Variants in CASK observed in about 807,000 individuals in gnomAD.
The protein encoded by CASK is calcium/calmodulin dependent serine protein kinase.
Under a neutral mutation model 82.9 loss-of-function variants are expected in CASK, and 4 were observed. The ratio of observed to expected loss-of-function variants is 0.05; its 90% CI spans 0.02 to 0.11. The LOEUF (loss-of-function observed/expected upper bound fraction) is 0.11, where lower values mean the gene tolerates loss of function less well. Ranked by LOEUF, CASK falls within the 10% of genes least tolerant of loss-of-function variation. CASK has a pLI of 1.00. For synonymous variants in CASK, 259 were observed against 253.5 expected (o/e 1.02, Z -0.20); for missense variants, 358 against 720.9 (o/e 0.50, Z 5.76).
chrX:41,737,823 T>C lies in CASK; in HGVS notation c.429+1561A>G, dbSNP rs184441576. 2.6e-3 allele frequency among the ~76,000 whole-genome samples: 297 copies of C among 112,931 alleles called. 3 individuals carry two copies. The highest frequency in any genetic ancestry group is 8.4e-3 in the African/African-American group (261 of 31,160). ...TTTTTAAATTATCATTTTTTTCTTGTATATAGTTTAGAATATATACAAAGA... is the reference window on the plus strand; with the variant it reads ...TTTTTAAATTATCATTTTTTTCTTGCATATAGTTTAGAATATATACAAAGA... On this transcript the variant is annotated intron_variant, in intron 5 of 26. Coordinates refer to ENST00000378163, the MANE Select transcript of CASK (RefSeq NM_001367721.1).
At chrX:41,690,310 C>T (rs770569696) in intron 5 of CASK, among the ~76,000 whole-genome samples, 1 of 105,045 alleles carries the variant, frequency 9.5e-6, no homozygotes, top group Non-Finnish European at 1.9e-5. Context: ...AAACAGTCAC[C>T]AAGTTTAAAA....
At chrX:41,710,471 A>G (rs1002146814) in intron 5 of CASK, among the ~76,000 whole-genome samples, 1 of 111,695 alleles carries the variant, frequency 9.0e-6, no homozygotes, top group East Asian at 2.8e-4. Flanking sequence ...TATGCTGTGC[A>G]TTCCTAAAAG....
At chrX:41,599,513 T>C (rs925184078) in intron 12 of CASK, among the ~76,000 whole-genome samples, 1 of 111,968 alleles carries the variant, frequency 8.9e-6, no homozygotes, top group Non-Finnish European at 1.9e-5. Context: ...GAGGCCCTTG[T>C]TTTGTTTAGG....
chrX:41,922,906 C>T (rs373596519), intron 1 of CASK, 24 bp downstream of exon 1: 2 of 1,199,675 alleles, frequency 1.7e-6, no homozygotes, highest in African/African-American at 3.5e-5. Flanking sequence ...TTCCACACTC[C>T]CGCTCCCTCG....
chrX:41,605,434 G>C (rs2065944148), intron 12 of CASK, among the ~76,000 whole-genome samples: 1 of 107,324 alleles, frequency 9.3e-6, no homozygotes. Flanking sequence ...GGTGAGACCT[G>C]TCTCTTCAAA....
At position 41,520,348 on chromosome X, in the gene CASK, C is replaced by G. The variant is rs951932216; in HGVS notation, c.*72G>C. 13 of 862,174 alleles carry G rather than the reference C, an allele frequency of 1.5e-5. No individual in the cohort carries two copies. Among genetic ancestry groups the G allele is most frequent in the Non-Finnish European group, 2.2e-5 (13 of 599,427 alleles). The allele number at this position is 862,174 out of a possible 1,213,427, so 71.1% of individuals were successfully genotyped here. On this transcript the variant is annotated 3_prime_UTR_variant, in exon 27 of 27. Coordinates refer to ENST00000378163, the MANE Select transcript of CASK (RefSeq NM_001367721.1). ...CTCTAGGGACCATGACCTGCTGACA[C>G]AAGGCCGATAACAAAGAGGCTTTTC...
intron 5 of CASK, among the ~76,000 whole-genome samples, chrX:41,693,116 G>A (rs1034099339): frequency 1.8e-5 from 2 of 111,434 alleles, no homozygotes; most frequent in African/African-American, 3.3e-5. Flanking sequence ...AGTTTTTCAC[G>A]TCATTTCAGC....
chrX:41,622,550 G>A (rs1276771591), intron 11 of CASK, 67 bp downstream of exon 11: 25 of 946,517 alleles, frequency 2.6e-5, no homozygotes, highest in Non-Finnish European at 3.3e-5. Flanking sequence ...AGCTGATTAC[G>A]AACCATGCAA....
intron 1 of CASK, among the ~76,000 whole-genome samples, chrX:41,904,769 T>A (rs182342031): frequency 2.2e-4 from 25 of 111,803 alleles, no homozygotes; most frequent in Non-Finnish European, 4.0e-4. Context: ...TAGGCCCCAG[T>A]GTCTACTGTT....
intron 7 of CASK, among the ~76,000 whole-genome samples, chrX:41,661,280 T>TA (rs367948232): frequency 4.9e-4 from 54 of 110,286 alleles, no homozygotes; most frequent in African/African-American, 1.5e-3. Flanking sequence ...CAGAATCATT[T>TA]AAAAAAAAAT....
At chrX:41,839,641 C>T (rs1315999534) in intron 2 of CASK, among the ~76,000 whole-genome samples, 1 of 109,769 alleles carries the variant, frequency 9.1e-6, no homozygotes, top group Non-Finnish European at 1.9e-5. Flanking sequence ...TTATATTTAC[C>T]TTTCTTCCCT....
intron 2 of CASK, among the ~76,000 whole-genome samples, chrX:41,797,102 T>C (rs1471732266): frequency 1.8e-5 from 2 of 110,381 alleles, no homozygotes; most frequent in Non-Finnish European, 3.8e-5. Context: ...TAACTGGAAA[T>C]AGAAGCTAGC....
intron 15 of CASK, among the ~76,000 whole-genome samples, chrX:41,572,170 G>A (rs1569313575): frequency 9.4e-6 from 1 of 106,847 alleles, no homozygotes; most frequent in African/African-American, 3.4e-5. Flanking sequence ...CTGCATCCTC[G>A]AACTCCTGGG....
At chrX:41,646,662 T>C (rs1235960087) in intron 8 of CASK, among the ~76,000 whole-genome samples, 2 of 111,925 alleles carry the variant, frequency 1.8e-5, no homozygotes, top group East Asian at 5.6e-4. Context: ...AGTATCAACG[T>C]AGACCCAGAC....
chrX:41,555,906 C>A, intron 19 of CASK: 1 of 246,513 alleles, frequency 4.1e-6, no homozygotes, highest in Non-Finnish European at 6.9e-6. Context: ...ACAAAAGCCA[C>A]TGCAAGTGAA....
intron 3 of CASK, among the ~76,000 whole-genome samples, chrX:41,759,341 A>G (rs2068954975): frequency 9.0e-6 from 1 of 111,678 alleles, no homozygotes; most frequent in Non-Finnish European, 1.9e-5. Context: ...TGTATATACT[A>G]CTGAAAGGAC....
intron 2 of CASK, among the ~76,000 whole-genome samples, chrX:41,796,114 T>C (rs2069846660): frequency 8.9e-6 from 1 of 111,916 alleles, no homozygotes; most frequent in Non-Finnish European, 1.9e-5. Flanking sequence ...ATCTATCCTT[T>C]TAAGCACTAA....
intron 12 of CASK, 190 bp from the exon 13 acceptor site, chrX:41,589,782 T>A (rs768198012): frequency 2.5e-6 from 1 of 403,998 alleles, no homozygotes; most frequent in East Asian, 4.1e-5. Context: ...CTTATGCATA[T>A]CTTTTCAAAA....
intron 2 of CASK, among the ~76,000 whole-genome samples, chrX:41,840,386 G>T (rs1247696413): frequency 8.9e-6 from 1 of 111,938 alleles, no homozygotes; most frequent in African/African-American, 3.2e-5. Flanking sequence ...GCACATTGCT[G>T]GCATGTAAGA....
Sources: gnomAD v4.1 joint callset for allele counts (sites outside exome capture counted in the v4.1 genomes callset) on GRCh38, gnomAD v4.1.1 for gene constraint, MANE v1.5 for transcripts, NCBI Gene and HGNC (gene_info 2026-07-23, HGNC 2026-07-21) for gene names.